COBL: variants seen among roughly 807,000 people sequenced by gnomAD.
COBL encodes cordon-bleu WH2 repeat protein, also known as protein cordon-bleu.
COBL carries 51 observed loss-of-function variants against 98.8 expected under a neutral mutation model. The observed-to-expected ratio is 0.52, with a 90% CI of 0.41 to 0.65. The LOEUF is 0.65. Ranked by LOEUF, COBL falls within the 30% of genes least tolerant of loss-of-function variation. COBL has a pLI of 0.00. For missense variants in COBL, 1,617 were observed against 1,617.5 expected, an observed-to-expected ratio of 1.00 and a Z score of 0.01; for synonymous variants, 634 against 651.7, an observed-to-expected ratio of 0.97 and a Z score of 0.41.
At chr7:51,063,708 G>C (rs6947053) in intron 7 of COBL, among the ~76,000 whole-genome samples, 153 of 152,312 alleles carry the variant, frequency 1.0e-3, no homozygotes, top group African/African-American at 3.5e-3. Context: ...AGTAAAACTG[G>C]TGTTGCCTTA....
intron 2 of COBL, among the ~76,000 whole-genome samples, chr7:51,200,242 G>A (rs1563028665): frequency 6.6e-6 from 1 of 152,178 alleles, no homozygotes. Context: ...CACTAGACCT[G>A]CTAAAGTTAG....
chr7:51,211,744 TCAAA>T (rs369038292), intron 2 of COBL, among the ~76,000 whole-genome samples: 79 of 152,250 alleles, frequency 5.2e-4, no homozygotes, highest in African/African-American at 1.8e-3. Context: ...TCTCAGAATG[TCAAA>T]CAAAGAGTCA....
At chr7:51,258,795 TATTA>T (rs1390089894) in intron 1 of COBL, among the ~76,000 whole-genome samples, 2 of 152,212 alleles carry the variant, frequency 1.3e-5, no homozygotes, top group Non-Finnish European at 2.9e-5. Context: ...TGAAATCAGT[TATTA>T]ATATTATTCC....
At chr7:51,231,671 G>A (rs1009633639) in intron 1 of COBL, among the ~76,000 whole-genome samples, 1 of 152,228 alleles carries the variant, frequency 6.6e-6, no homozygotes, top group South Asian at 2.1e-4. Context: ...AGCTGCTGCA[G>A]GGCTCAGGTG....
chr7:51,217,558 G>T (rs1226779851), intron 2 of COBL, among the ~76,000 whole-genome samples: 1 of 151,664 alleles, frequency 6.6e-6, no homozygotes. Flanking sequence ...GGCCAGGCTG[G>T]TCTCAAACTC....
At chr7:51,170,581 T>C (rs1278484620) in intron 5 of COBL, among the ~76,000 whole-genome samples, 2 of 149,076 alleles carry the variant, frequency 1.3e-5, no homozygotes, top group Non-Finnish European at 3.0e-5. Context: ...CACATATATA[T>C]ATAATGAAAT....
At chr7:51,265,934 G>A (rs961400084) in intron 1 of COBL, among the ~76,000 whole-genome samples, 2 of 152,172 alleles carry the variant, frequency 1.3e-5, no homozygotes, top group Admixed American at 6.5e-5. Flanking sequence ...CCAGTGGATC[G>A]ATGTGATCCA....
intron 7 of COBL, among the ~76,000 whole-genome samples, chr7:51,076,578 T>C (rs1793095151): frequency 6.6e-6 from 1 of 152,260 alleles, no homozygotes; most frequent in South Asian, 2.1e-4. Context: ...CAAGATACTC[T>C]CTTCTAATTC....
At chr7:51,227,409 C>A (rs1432907167) in intron 1 of COBL, among the ~76,000 whole-genome samples, 1 of 152,108 alleles carries the variant, frequency 6.6e-6, no homozygotes. Context: ...CTGGAACAGA[C>A]CCCAGATTAG....
chr7:51,315,169 T>C (rs775151786), intron 1 of COBL, among the ~76,000 whole-genome samples: 1 of 151,992 alleles, frequency 6.6e-6, no homozygotes, highest in African/African-American at 2.4e-5. Context: ...GGGATGCCTA[T>C]TACCATGAAA....
At chr7:51,121,901 G>T (rs1273221731) in intron 6 of COBL, among the ~76,000 whole-genome samples, 1 of 152,284 alleles carries the variant, frequency 6.6e-6, no homozygotes, top group East Asian at 1.9e-4. Context: ...ACTGACTGTT[G>T]ACGTGACTGA....
chr7:51,086,532 C>T (rs1230592417), intron 6 of COBL, among the ~76,000 whole-genome samples: 1 of 152,140 alleles, frequency 6.6e-6, no homozygotes, highest in African/African-American at 2.4e-5. Flanking sequence ...TCTGCCACTT[C>T]AACTCTGACC....
chr7:51,191,246 C>T (rs533015859), intron 3 of COBL, among the ~76,000 whole-genome samples, 168 bp from the exon 4 acceptor site: 110 of 152,202 alleles, frequency 7.2e-4, no homozygotes, highest in Non-Finnish European at 1.3e-3. Flanking sequence ...TATTGAAAAA[C>T]AAATGTCTAG....
Position 51,119,821 on chromosome 7 carries a change from T to A in COBL, c.957+16337A>T, listed in dbSNP as rs200156341. Among the ~76,000 whole-genome samples the A allele has an allele frequency of 9.8e-5, 15 of 152,330 alleles. No homozygotes were observed. The East Asian group carries it at 2.7e-3, about 27-fold the overall frequency. Reference sequence around the variant, plus strand: ...TTACAAATTCTATTAATACATTAACTCTTCAAAACCTTAGTTAAGTAGATA... The same window carrying A: ...TTACAAATTCTATTAATACATTAACACTTCAAAACCTTAGTTAAGTAGATA... On this transcript the variant is annotated intron_variant, in intron 6 of 12. Transcript: ENST00000265136.
chr7:51,060,760 G>A (rs1451927708), intron 7 of COBL, among the ~76,000 whole-genome samples: 1 of 152,218 alleles, frequency 6.6e-6, no homozygotes, highest in African/African-American at 2.4e-5. Context: ...ATTCCACCAG[G>A]GGGCACAACA....
chr7:51,155,891 T>G (rs1457102362), intron 5 of COBL, among the ~76,000 whole-genome samples: 6 of 152,140 alleles, frequency 3.9e-5, no homozygotes, highest in Admixed American at 1.3e-4. Context: ...TCATCAGTAA[T>G]GAAAATATCA....
intron 5 of COBL, among the ~76,000 whole-genome samples, chr7:51,180,800 C>T (rs1039446559): frequency 1.3e-5 from 2 of 152,146 alleles, no homozygotes; most frequent in Non-Finnish European, 2.9e-5. Flanking sequence ...TAATGTTCTG[C>T]CTGATGTTTT....
chr7:51,226,127 G>C (rs2129097198), intron 1 of COBL, among the ~76,000 whole-genome samples: 2 of 152,328 alleles, frequency 1.3e-5, no homozygotes, highest in South Asian at 4.1e-4. Context: ...AATCCACAGT[G>C]ATGCTGAGGC....
At chr7:51,134,822 T>C (rs1799076562) in intron 6 of COBL, among the ~76,000 whole-genome samples, 2 of 152,214 alleles carry the variant, frequency 1.3e-5, no homozygotes, top group Admixed American at 6.5e-5. Flanking sequence ...TGTTTTCCAT[T>C]TGCATCATCT....
Sources: allele counts gnomAD v4.1 joint callset (sites outside exome capture counted in the v4.1 genomes callset), GRCh38; gene constraint gnomAD v4.1.1; transcripts MANE v1.5; gene names NCBI Gene and HGNC (gene_info 2026-07-23, HGNC 2026-07-21).